Variants in TMPRSS5 observed in about 807,000 individuals in gnomAD.
The protein encoded by TMPRSS5 is transmembrane protease serine 5.
TMPRSS5 carries 45 observed loss-of-function variants against 59.7 expected under a neutral mutation model. The observed-to-expected ratio is 0.75, with a 90% CI of 0.59 to 0.97. The LOEUF is 0.97. Among genes scored for constraint, TMPRSS5 ranks in the 50% least tolerant of loss-of-function variants. The pLI, the probability that TMPRSS5 is intolerant of heterozygous loss-of-function variation, is 0.00. For missense variants in TMPRSS5, 585 were observed against 596.7 expected (o/e 0.98, Z 0.20); for synonymous variants, 225 against 232.0 (o/e 0.97, Z 0.27).
intron 1 of TMPRSS5, 54 bp from the exon 2 acceptor site, chr11:113,700,222 G>A (rs1291868420): frequency 1.4e-6 from 2 of 1,433,874 alleles, no homozygotes; most frequent in Non-Finnish European, 1.9e-6. Flanking sequence ...ACTGCTGAGA[G>A]AAGTCACAGC....
chr11:113,691,352 TA>T (rs1952774482), intron 9 of TMPRSS5, among the ~76,000 whole-genome samples: 1 of 152,170 alleles, frequency 6.6e-6, no homozygotes, highest in African/African-American at 2.4e-5. Flanking sequence ...CACTATTGAG[TA>T]AAGCATTCAC....
At position 113,690,268 on chromosome 11, in the gene TMPRSS5, CA is replaced by C; in HGVS notation, c.1168del (p.Cys390AlafsTer20). ...YSGALTPRML[C>X]AGYLDGRADA... Reference sequence around the variant, plus strand: ...AGCCCTTCCGTCCAGGTAGCCAGCGCAAAGCATGCGGGGGGTGAGGGCTCCG... The same window carrying C: ...AGCCCTTCCGTCCAGGTAGCCAGCGCAAGCATGCGGGGGGTGAGGGCTCCG... On this transcript the variant is annotated frameshift_variant, in exon 11 of 13. Coordinates refer to ENST00000299882, the MANE Select transcript of TMPRSS5 (RefSeq NM_030770.4). LOFTEE classifies it high-confidence loss of function. 1 of 1,561,924 alleles carries C rather than the reference CA, an allele frequency of 6.4e-7. No homozygotes were observed. Among genetic ancestry groups the C allele is most frequent in the South Asian group, 1.2e-5 (1 of 84,394 alleles).
chr11:113,692,994 C>T, intron 9 of TMPRSS5, 77 bp downstream of exon 9: 4 of 1,294,700 alleles, frequency 3.1e-6, no homozygotes, highest in African/African-American at 2.9e-5. Context: ...CAGAAATCAG[C>T]TCACCACTCT....
chr11:113,690,031 G>A, intron 11 of TMPRSS5, 114 bp from the exon 12 acceptor site: 1 of 1,298,854 alleles, frequency 7.7e-7, no homozygotes, highest in Non-Finnish European at 1.0e-6. Context: ...CCTGCTTCTA[G>A]CTGAGATATC....
chr11:113,691,327 G>A (rs1952773658), intron 9 of TMPRSS5, among the ~76,000 whole-genome samples: 1 of 152,162 alleles, frequency 6.6e-6, no homozygotes, highest in African/African-American at 2.4e-5. Context: ...CATGATTTTA[G>A]GTAGTACATA....
chr11:113,705,321 G>T (rs932275470), intron 1 of TMPRSS5, among the ~76,000 whole-genome samples: 1 of 152,158 alleles, frequency 6.6e-6, no homozygotes, highest in Non-Finnish European at 1.5e-5. Context: ...ACCTAGGTCA[G>T]TCACCTCCAA....
intron 3 of TMPRSS5, 114 bp downstream of exon 3, chr11:113,699,481 G>T: frequency 1.2e-6 from 1 of 846,422 alleles, no homozygotes; most frequent in Non-Finnish European, 1.9e-6. Flanking sequence ...TTCTCCCCTT[G>T]TCTGCACAGA....
At chr11:113,690,164 A>T in intron 11 of TMPRSS5, 67 bp downstream of exon 11, 1 of 1,472,050 alleles carries the variant, frequency 6.8e-7, no homozygotes, top group African/African-American at 1.4e-5. Context: ...GCCAAGTCAC[A>T]GCAGGCCCCC....
At chr11:113,690,458 C>T in intron 10 of TMPRSS5, 85 bp from the exon 11 acceptor site, 1 of 1,512,652 alleles carries the variant, frequency 6.6e-7, no homozygotes, top group Non-Finnish European at 8.8e-7. Context: ...ATTCGAAGTC[C>T]CAGAGACAGG....
chr11:113,688,085 G>T lies in TMPRSS5; in HGVS notation c.*175C>A. ...TCTGAAATCAGGGCCCAAGAGGAGAGACCTGTTGGCTGGGTGGCTGGCCAG... is the reference window on the plus strand; with the variant it reads ...TCTGAAATCAGGGCCCAAGAGGAGATACCTGTTGGCTGGGTGGCTGGCCAG... On this transcript the variant is annotated 3_prime_UTR_variant, in exon 13 of 13. Transcript: ENST00000299882. 9.9e-7 allele frequency: 1 copy of T among 1,015,226 alleles called. No homozygotes were observed. The highest frequency in any genetic ancestry group is 1.3e-6 in the Non-Finnish European group (1 of 754,982). The allele number at this position is 1,015,226 out of a possible 1,614,324, so 62.9% of individuals were successfully genotyped here.
chr11:113,705,016 C>T (rs1244381022), intron 1 of TMPRSS5, among the ~76,000 whole-genome samples: 3 of 152,040 alleles, frequency 2.0e-5, no homozygotes, highest in African/African-American at 7.3e-5. Context: ...GGATCCTTCC[C>T]CCCAAAATTT....
At position 113,690,878 on chromosome 11, in the gene TMPRSS5, G is replaced by A; in HGVS notation, c.1026C>T (p.Cys342=). The change falls in exon 10 of 13, where the codon TGC becomes TGT. Residue 342 remains cysteine, a synonymous_variant. Coordinates refer to ENST00000299882, the MANE Select transcript of TMPRSS5 (RefSeq NM_030770.4). ...KEQHFPKGSR[C]WVSGWGHTHP... ...GGGTGTGGCCCCAGCCAGACACCCA[G>A]CACCGCGAGCCCTTCGGAAAATGCT... is the stretch of plus-strand genomic sequence containing the variant. 6.3e-7 allele frequency: 1 copy of A among 1,596,584 alleles called. No homozygotes were observed. Among genetic ancestry groups the A allele is most frequent in the Non-Finnish European group, 8.5e-7 (1 of 1,172,360 alleles).
chr11:113,692,439 A>G (rs1189965373), intron 9 of TMPRSS5, among the ~76,000 whole-genome samples: 6 of 152,070 alleles, frequency 3.9e-5, no homozygotes, highest in Admixed American at 6.5e-5. Flanking sequence ...TGTGCACATG[A>G]CTGTGTGAGT....
Position 113,699,284 on chromosome 11 carries a change from T to C in TMPRSS5, c.206-257A>G, listed in dbSNP as rs1271026299. On this transcript the variant is annotated intron_variant, in intron 3 of 12. Transcript: ENST00000299882. Reference sequence around the variant, plus strand: ...CTCTCTCTCTCTCCCTCTCTCTCTCTCTCTCTCTGTCTCTCTCTCTCTCTA... The same window carrying C: ...CTCTCTCTCTCTCCCTCTCTCTCTCCCTCTCTCTGTCTCTCTCTCTCTCTA... Among the ~76,000 whole-genome samples, 273 of 106,934 alleles carry C rather than the reference T, an allele frequency of 2.6e-3. 36 individuals carry two copies. Among genetic ancestry groups the C allele is most frequent in the East Asian group, 0.023 (64 of 2,798 alleles). 70.2% of individuals were successfully genotyped at this position (106,934 alleles called of 152,430 possible).
intron 11 of TMPRSS5, 55 bp downstream of exon 11, chr11:113,690,176 G>GCCCCACCCCCCCCCCCCC: frequency 2.6e-6 from 1 of 388,228 alleles, no homozygotes; most frequent in Non-Finnish European, 4.2e-6. Flanking sequence ...CAGGCCCCCT[G>GCCCCACCCCCCCCCCCCC]CCCTCCCACC....
At chr11:113,689,311 G>T (rs558773181) in intron 12 of TMPRSS5, among the ~76,000 whole-genome samples, 1 of 151,994 alleles carries the variant, frequency 6.6e-6, no homozygotes, top group East Asian at 1.9e-4. Context: ...AGCTGAGATT[G>T]CACCATTGTA....
intron 12 of TMPRSS5, among the ~76,000 whole-genome samples, chr11:113,688,949 G>A (rs971656719): frequency 6.6e-6 from 1 of 152,162 alleles, no homozygotes; most frequent in South Asian, 2.1e-4. Flanking sequence ...CACAATTTAC[G>A]TAGGTGCAGA....
chr11:113,699,512 T>C (rs1953060806), intron 3 of TMPRSS5, 83 bp downstream of exon 3: 8 of 1,147,782 alleles, frequency 7.0e-6, no homozygotes, highest in Non-Finnish European at 1.0e-5. Flanking sequence ...AAGACAGTTG[T>C]CCCATTTACC....
intron 1 of TMPRSS5, among the ~76,000 whole-genome samples, 179 bp downstream of exon 1, chr11:113,706,043 C>A (rs1032597159): frequency 3.3e-5 from 5 of 152,160 alleles, no homozygotes; most frequent in African/African-American, 1.2e-4. Context: ...TAATAAAGGG[C>A]AGTCCCTGGG....
Sources: gnomAD v4.1 joint callset for allele counts (sites outside exome capture counted in the v4.1 genomes callset) on GRCh38, gnomAD v4.1.1 for gene constraint, MANE v1.5 for transcripts, NCBI Gene and HGNC (gene_info 2026-07-23, HGNC 2026-07-21) for gene names.